The following ADGRL2 variants were observed in gnomAD, a reference collection of about 807,000 sequenced individuals.
ADGRL2 encodes the protein calcium-independent alpha-latrotoxin receptor 2.
In ADGRL2, 44 loss-of-function variants were observed where a neutral mutation model predicts 157.4. The ratio of observed to expected loss-of-function variants is 0.28; its 90% CI spans 0.22 to 0.36. The LOEUF (loss-of-function observed/expected upper bound fraction) is 0.36, where lower values mean the gene tolerates loss of function less well. ADGRL2 is among the 10% of genes least tolerant of loss of function. The pLI is 1.00. For missense variants in ADGRL2, 1,510 were observed against 1,768.9 expected (o/e 0.85, Z 2.63); for synonymous variants, 585 against 624.7 (o/e 0.94, Z 0.95).
chr1:81,458,151 T>G (rs763198524), intron 2 of ADGRL2, among the ~76,000 whole-genome samples: 4 of 152,170 alleles, frequency 2.6e-5, no homozygotes, highest in Non-Finnish European at 5.9e-5. Context: ...ACATAGACTG[T>G]TCTGTTTGGC....
At chr1:81,462,607 C>T (rs1189478217) in intron 2 of ADGRL2, among the ~76,000 whole-genome samples, 1 of 152,124 alleles carries the variant, frequency 6.6e-6, no homozygotes, top group Non-Finnish European at 1.5e-5. Flanking sequence ...GTAGTGTGGT[C>T]CGATTTTTAC....
chr1:81,330,059 C>T (rs960803539), intron 1 of ADGRL2, among the ~76,000 whole-genome samples: 1 of 152,096 alleles, frequency 6.6e-6, no homozygotes, highest in South Asian at 2.1e-4. Flanking sequence ...TATTTTCGGT[C>T]ATCCAAGAGG....
At chr1:81,663,908 G>T (rs532725025) in intron 3 of ADGRL2, among the ~76,000 whole-genome samples, 4 of 152,100 alleles carry the variant, frequency 2.6e-5, no homozygotes, top group South Asian at 2.1e-4. Context: ...GTGGATAAAG[G>T]CTGTTTAGTA....
At chr1:81,876,803 C>T (rs1014723642) in intron 2 of ADGRL2, among the ~76,000 whole-genome samples, 3 of 152,156 alleles carry the variant, frequency 2.0e-5, no homozygotes, top group Non-Finnish European at 2.9e-5. Context: ...GATTTCTTGA[C>T]ATTTATTGTT....
chr1:81,372,004 T>C (rs1557636559), intron 1 of ADGRL2, among the ~76,000 whole-genome samples: 1 of 152,086 alleles, frequency 6.6e-6, no homozygotes, highest in Non-Finnish European at 1.5e-5. Flanking sequence ...GAAGGGTCAG[T>C]GTAGGAGGCT....
intron 3 of ADGRL2, among the ~76,000 whole-genome samples, chr1:81,687,127 A>G (rs2083245049): frequency 6.6e-6 from 1 of 152,094 alleles, no homozygotes; most frequent in Admixed American, 6.6e-5. Context: ...GTTGGATGAA[A>G]TGTTCTGTAT....
intron 2 of ADGRL2, among the ~76,000 whole-genome samples, chr1:81,573,340 T>C (rs2148505598): frequency 6.6e-6 from 1 of 152,178 alleles, no homozygotes; most frequent in South Asian, 2.1e-4. Flanking sequence ...CCTTCTTTTC[T>C]TCCCCCTTCC....
intron 1 of ADGRL2, among the ~76,000 whole-genome samples, chr1:81,703,484 A>G (rs887061819): frequency 6.6e-6 from 1 of 152,108 alleles, no homozygotes; most frequent in Non-Finnish European, 1.5e-5. Context: ...GGATGGTGTC[A>G]GGAAATCTGA....
At chr1:81,371,125 AGCAGCATC>A in intron 1 of ADGRL2, among the ~76,000 whole-genome samples, 1 of 152,202 alleles carries the variant, frequency 6.6e-6, no homozygotes, top group Non-Finnish European at 1.5e-5. Flanking sequence ...TGGAAAATGC[AGCAGCATC>A]TTTAGGGCCT....
chr1:81,747,119 G>A (rs1236222838), intron 1 of ADGRL2, among the ~76,000 whole-genome samples: 6 of 127,598 alleles, frequency 4.7e-5, no homozygotes, highest in Admixed American at 1.5e-4. Flanking sequence ...GTGTATATAT[G>A]TGTATATATG....
intron 1 of ADGRL2, among the ~76,000 whole-genome samples, chr1:81,372,714 T>C (rs1225717122): frequency 6.6e-6 from 1 of 152,196 alleles, no homozygotes; most frequent in Non-Finnish European, 1.5e-5. Flanking sequence ...ATAATGTACA[T>C]AACTAGGCAG....
intron 21 of ADGRL2, among the ~76,000 whole-genome samples, chr1:81,985,677 C>G (rs1237184943): frequency 6.6e-6 from 1 of 151,678 alleles, no homozygotes; most frequent in East Asian, 1.9e-4. Context: ...AAAATAAATG[C>G]TAAAAACATG....
intron 2 of ADGRL2, among the ~76,000 whole-genome samples, chr1:81,889,489 G>A (rs1003351994): frequency 2.0e-5 from 3 of 152,204 alleles, no homozygotes; most frequent in Non-Finnish European, 4.4e-5. Flanking sequence ...TGAGAGGTGA[G>A]GAAGATGTGG....
chr1:81,606,778 A>G (rs4650569), intron 3 of ADGRL2, among the ~76,000 whole-genome samples: 105,346 of 141,804 alleles, frequency 0.74, 37,963 homozygotes, highest in African/African-American at 0.88. Context: ...GTGTGTGCGC[A>G]CGCGTGTGTG....
intron 2 of ADGRL2, among the ~76,000 whole-genome samples, chr1:81,546,664 G>A (rs1407829275): frequency 1.3e-5 from 2 of 152,258 alleles, no homozygotes; most frequent in Admixed American, 6.5e-5. Flanking sequence ...ATCTTATTAG[G>A]CAATTCAACC....
At chr1:81,508,736 G>A (rs1017941702) in intron 2 of ADGRL2, among the ~76,000 whole-genome samples, 3 of 152,146 alleles carry the variant, frequency 2.0e-5, no homozygotes, top group African/African-American at 7.2e-5. Flanking sequence ...AGGGAACATA[G>A]GAATCACACA....
chr1:81,569,906 C>A (rs1048770931), intron 2 of ADGRL2, among the ~76,000 whole-genome samples: 2 of 152,138 alleles, frequency 1.3e-5, no homozygotes, highest in African/African-American at 2.4e-5. Context: ...TGAAGGTATG[C>A]TTCTAAGATG....
chr1:81,386,023 G>T (rs560738020), intron 1 of ADGRL2, among the ~76,000 whole-genome samples: 1 of 152,048 alleles, frequency 6.6e-6, no homozygotes, highest in African/African-American at 2.4e-5. Flanking sequence ...AAAAAAAAAT[G>T]GCTTCAGCGC....
chr1:81,968,880 T>C (rs1322014429), intron 14 of ADGRL2, among the ~76,000 whole-genome samples: 2 of 152,226 alleles, frequency 1.3e-5, no homozygotes, highest in Non-Finnish European at 2.9e-5. Context: ...ATGTAAATAG[T>C]TTCCATGTGT....
Sources: gnomAD v4.1 joint callset for allele counts (sites outside exome capture counted in the v4.1 genomes callset) on GRCh38, gnomAD v4.1.1 for gene constraint, MANE v1.5 for transcripts, NCBI Gene and HGNC (gene_info 2026-07-23, HGNC 2026-07-21) for gene names.